The following NELL1 variants were observed in gnomAD, a reference collection of about 807,000 sequenced individuals.
NELL1 encodes the protein neural EGFL like 1.
Under a neutral mutation model 107.4 loss-of-function variants are expected in NELL1, and 76 were observed. The observed-to-expected ratio is 0.71, with a 90% CI of 0.59 to 0.86. NELL1 has a LOEUF of 0.86. NELL1 is among the 40% of genes least tolerant of loss of function. The probability of loss-of-function intolerance (pLI) is 0.00; values close to 1 mark genes in which losing one functional copy is unlikely to be tolerated. For missense variants in NELL1, 1,024 were observed against 1,005.5 expected (o/e 1.02, Z -0.25); for synonymous variants, 353 against 341.2 (o/e 1.03, Z -0.38).
intron 12 of NELL1, among the ~76,000 whole-genome samples, chr11:20,967,601 A>C (rs749457108): frequency 1.4e-4 from 22 of 152,120 alleles, no homozygotes; most frequent in Non-Finnish European, 2.4e-4. Context: ...GCTACATCAG[A>C]AAGTCCTGTT....
intron 13 of NELL1, among the ~76,000 whole-genome samples, chr11:21,179,752 G>A (rs989439852): frequency 1.3e-5 from 2 of 151,374 alleles, no homozygotes; most frequent in Non-Finnish European, 2.9e-5. Context: ...TTGCTTCCTG[G>A]AGCTACATTT....
chr11:21,169,910 G>A (rs556453951), intron 13 of NELL1: 22 of 1,462,644 alleles, frequency 1.5e-5, no homozygotes, highest in East Asian at 6.8e-5. Flanking sequence ...GTCGTCCACC[G>A]ATGCCTTTTA....
intron 2 of NELL1, among the ~76,000 whole-genome samples, chr11:20,691,356 T>C (rs1377981597): frequency 6.6e-6 from 1 of 150,804 alleles, no homozygotes; most frequent in Non-Finnish European, 1.5e-5. Flanking sequence ...ATCCCTGTCT[T>C]GTACCAGTTT....
chr11:21,285,223 G>A (rs1670643), intron 14 of NELL1, among the ~76,000 whole-genome samples: 137,787 of 152,224 alleles, frequency 0.91, 62,707 homozygotes, highest in Non-Finnish European at 0.95. Context: ...ATCTATTTTA[G>A]TCCACAATTC....
rs549202004 is a variant in NELL1, at chr11:21,437,857, T to A, written c.1645+66909T>A. ...TTTTAAAATCAGTTTAGCTAGTCTA[T>A]ATCTTTTAGTTGGAAAACTTAAATT... On this transcript the variant is annotated intron_variant, in intron 15 of 19. Coordinates refer to ENST00000357134, the MANE Select transcript of NELL1 (RefSeq NM_006157.5). 2.6e-5 allele frequency among the ~76,000 whole-genome samples: 4 copies of A among 152,368 alleles called. No individual in the cohort carries two copies. In the East Asian group the frequency reaches 7.7e-4, roughly 29 times the overall value.
At chr11:20,885,342 C>T (rs1849486342) in intron 4 of NELL1, 102 bp from the exon 5 acceptor site, 1 of 742,416 alleles carries the variant, frequency 1.3e-6, no homozygotes, top group Non-Finnish European at 2.5e-6. Flanking sequence ...ATTGGCTTCT[C>T]TTCATACAGC....
At chr11:20,796,921 T>A (rs923875466) in intron 3 of NELL1, among the ~76,000 whole-genome samples, 2 of 151,888 alleles carry the variant, frequency 1.3e-5, no homozygotes, top group African/African-American at 4.8e-5. Context: ...TCAGCCAAGA[T>A]GAATGGAAGA....
At chr11:21,440,518 T>A (rs1056164137) in intron 15 of NELL1, among the ~76,000 whole-genome samples, 3 of 152,208 alleles carry the variant, frequency 2.0e-5, no homozygotes, top group Admixed American at 6.5e-5. Context: ...AAATTTTCAC[T>A]ATATCCAAGA....
At chr11:21,325,472 C>G (rs1850110367) in intron 14 of NELL1, among the ~76,000 whole-genome samples, 1 of 151,858 alleles carries the variant, frequency 6.6e-6, no homozygotes, top group Non-Finnish European at 1.5e-5. Flanking sequence ...GTTTTGCCAC[C>G]CTTTCTTCTA....
At chr11:21,436,300 G>A (rs932986320) in intron 15 of NELL1, among the ~76,000 whole-genome samples, 26 of 152,196 alleles carry the variant, frequency 1.7e-4, no homozygotes, top group Middle Eastern at 3.4e-3. Flanking sequence ...TGGTCAGCCC[G>A]CCTCAGCCTC....
chr11:21,238,285 A>C (rs1858261924), intron 14 of NELL1, among the ~76,000 whole-genome samples: 1 of 151,948 alleles, frequency 6.6e-6, no homozygotes, highest in South Asian at 2.1e-4. Flanking sequence ...CATTTCCATA[A>C]CTTTGCTTTA....
intron 1 of NELL1, among the ~76,000 whole-genome samples, chr11:20,673,621 A>T (rs998880980): frequency 2.6e-5 from 4 of 152,176 alleles, no homozygotes; most frequent in Non-Finnish European, 5.9e-5. Flanking sequence ...GTTAGGGTGG[A>T]GTTTCTGAAT....
At chr11:21,087,603 G>A (rs919701298) in intron 12 of NELL1, among the ~76,000 whole-genome samples, 1 of 152,134 alleles carries the variant, frequency 6.6e-6, no homozygotes, top group Non-Finnish European at 1.5e-5. Context: ...CTGGGAAGTT[G>A]TTTGGGACAT....
chr11:20,786,932 C>T (rs188666813), intron 3 of NELL1, among the ~76,000 whole-genome samples: 2,102 of 125,332 alleles, frequency 0.017, 20 homozygotes, highest in Admixed American at 0.036. Flanking sequence ...GGTATGAACC[C>T]GGGAGGTGGA....
At chr11:21,264,495 T>G (rs1450189986) in intron 14 of NELL1, among the ~76,000 whole-genome samples, 3 of 151,918 alleles carry the variant, frequency 2.0e-5, no homozygotes, top group Non-Finnish European at 4.4e-5. Flanking sequence ...ATATGTATAG[T>G]TTGTACAATT....
intron 16 of NELL1, among the ~76,000 whole-genome samples, chr11:21,537,896 T>G (rs1273862063): frequency 3.3e-5 from 5 of 152,132 alleles, no homozygotes. Context: ...AAATGTTTAT[T>G]GAGAACAACC....
intron 13 of NELL1, among the ~76,000 whole-genome samples, chr11:21,146,488 C>T (rs940340554): frequency 5.3e-5 from 8 of 152,136 alleles, no homozygotes; most frequent in African/African-American, 1.9e-4. Context: ...CCTTTATCAC[C>T]TCATAGCTGT....
rs1394000120 is a variant in NELL1, at chr11:21,453,952, A to C, written c.1646-80422A>C. 1.2e-4 allele frequency among the ~76,000 whole-genome samples: 17 copies of C among 142,764 alleles called. No homozygotes were observed. The Admixed American group carries it at 1.2e-3, about 10-fold the overall frequency. The allele number at this position is 142,764 out of a possible 152,430, so 93.7% of individuals were successfully genotyped here. A position where few individuals can be genotyped will look rare whatever the true frequency, so the allele number is the denominator to read the frequency against. ...TATTATTATACTTTACTTTACTTTAAGTTTTAGGGTACATGTGCACATTGT... is the reference window on the plus strand; with the variant it reads ...TATTATTATACTTTACTTTACTTTACGTTTTAGGGTACATGTGCACATTGT... On this transcript the variant is annotated intron_variant, in intron 15 of 19. Coordinates refer to ENST00000357134, the MANE Select transcript of NELL1 (RefSeq NM_006157.5).
intron 15 of NELL1, among the ~76,000 whole-genome samples, chr11:21,505,170 T>C (rs1456512074): frequency 6.6e-6 from 1 of 152,206 alleles, no homozygotes; most frequent in African/African-American, 2.4e-5. Context: ...TTGGCATTTA[T>C]TTTCTGTTAA....
Sources: gnomAD v4.1 joint callset for allele counts (sites outside exome capture counted in the v4.1 genomes callset) on GRCh38, gnomAD v4.1.1 for gene constraint, MANE v1.5 for transcripts, NCBI Gene and HGNC (gene_info 2026-07-23, HGNC 2026-07-21) for gene names.